Variants in LRG1 observed in about 807,000 individuals in gnomAD.
LRG1 encodes the protein leucine rich alpha-2-glycoprotein 1.
LRG1 carries 1 observed loss-of-function variant against 2.4 expected under a neutral mutation model. The ratio of observed to expected loss-of-function variants is 0.41; its 90% confidence interval spans 0.15 to 1.95. LRG1 has a LOEUF of 1.95. Among genes scored for constraint, LRG1 ranks in the 30% most tolerant of loss-of-function variants. The pLI is 0.30. For synonymous variants in LRG1, 226 were observed against 210.6 expected (o/e 1.07, Z -0.63); for missense variants, 425 against 436.9 (o/e 0.97, Z 0.24).
Position 4,538,234 on chromosome 19 carries a change from C to A in LRG1, c.750G>T (p.Arg250Ser). Residue 250 changes from arginine to serine, a missense_variant, in exon 2 of 2, where the codon AGG (arginine) becomes AGT (serine). Coordinates refer to ENST00000306390, the MANE Select transcript of LRG1 (RefSeq NM_052972.3). ...YLFLNGNKLA[R>S]VAAGAFQGLR... ...GGCCCTGGAAGGCACCGGCTGCCAC[C>A]CTGGCCAGCTTGTTGCCGTTCAGGA... The A allele has an allele frequency of 6.2e-7, 1 of 1,614,060 alleles. No individual in the cohort carries two copies. The highest frequency in any genetic ancestry group is 8.5e-7 in the Non-Finnish European group (1 of 1,180,034).
In LRG1 at chr19:4,538,383, C is replaced by T. The variant is rs764216165; in HGVS notation, c.601G>A (p.Glu201Lys). 2 of 1,614,200 alleles carry T rather than the reference C, an allele frequency of 1.2e-6. No individual in the cohort carries two copies. Among genetic ancestry groups the T allele is most frequent in the South Asian group, 1.1e-5 (1 of 91,086 alleles). Residue 201 changes from glutamate to lysine, a missense_variant, in exon 2 of 2, where the codon GAG becomes AAG. Physicochemically the swap from Glu to Lys is moderately conservative, Grantham distance 56 (BLOSUM62 1). Transcript: ENST00000306390. ...CTCAGGAGGTCAGGTGGCAAGGTCTCCAACTGGTTCTCCCCAAGGTCAAGG... is the reference window on the plus strand; with the variant it reads ...CTCAGGAGGTCAGGTGGCAAGGTCTTCAACTGGTTCTCCCCAAGGTCAAGG... ...RTLDLGENQLETLPPDLLRGP... is the reference protein window; with the variant it reads ...RTLDLGENQLKTLPPDLLRGP...
Position 4,538,741 on chromosome 19 carries a change from G to C in LRG1, c.243C>G (p.Thr81=), listed in dbSNP as rs145501931. 21 of 1,604,494 alleles carry C rather than the reference G, an allele frequency of 1.3e-5. 1 individual carries two copies. In the African/African-American group the frequency reaches 2.8e-4, roughly 21 times the overall value. The change falls in exon 2 of 2, where the codon ACC becomes ACG. Residue 81 remains threonine, a synonymous_variant. Transcript: ENST00000306390. Reference sequence around the variant, plus strand: ...CCTGGAGGAGGTTGGCTGGCAGGTGGGTCAGGTTGAAGAATTCCACGGCCA... The same window carrying C: ...CCTGGAGGAGGTTGGCTGGCAGGTGCGTCAGGTTGAAGAATTCCACGGCCA... ...VHLAVEFFNL[T]HLPANLLQGA...
In LRG1 at chr19:4,538,411, G is replaced by A. The variant is rs751459206; in HGVS notation, c.573C>T (p.Arg191=). 4.3e-6 allele frequency: 7 copies of A among 1,614,180 alleles called. No homozygotes were observed. The South Asian group carries it at 7.7e-5, about 18-fold the overall frequency. ...PGLLANFTLL[R]TLDLGENQLE... is the part of the protein sequence containing the mutation. ...ACTGGTTCTCCCCAAGGTCAAGGGT[G>A]CGCAGGAGGGTGAAGTTGGCCAGCA... The change falls in exon 2 of 2, where the codon CGC becomes CGT. Residue 191 remains arginine, a synonymous_variant. Coordinates refer to ENST00000306390, the MANE Select transcript of LRG1 (RefSeq NM_052972.3).
rs758533760 is a variant in LRG1 at position 4,539,934 on chromosome 19, A to G, written c.32+48T>C. The G allele has an allele frequency of 2.5e-6, 4 of 1,611,378 alleles. No homozygotes were observed. In the South Asian group the frequency reaches 3.3e-5, roughly 13 times the overall value. Reference sequence around the variant, plus strand: ...TAGCTGGAATGTCCTGTATCTCCGCATGGTCTGGCGTTCAAACCTGCCTAG... The same window carrying G: ...TAGCTGGAATGTCCTGTATCTCCGCGTGGTCTGGCGTTCAAACCTGCCTAG... On this transcript the variant is annotated intron_variant, in intron 1 of 1. Transcript: ENST00000306390.
In LRG1 at chr19:4,538,003, CGT is replaced by C. The variant is rs1321661362; in HGVS notation, c.979_980del (p.Thr327AlafsTer6). The C allele has an allele frequency of 1.2e-6, 2 of 1,613,822 alleles. No individual in the cohort carries two copies. The highest frequency in any genetic ancestry group is 2.7e-5 in the African/African-American group (2 of 74,946). ...TCACGGCTTCAGGCCCAGCACAGCG[CGT>C]GTCATTCTGGGAAAACATCTTGTCT... ...QKDKMFSQND[T>X]RCAGPEAVKG... On this transcript the variant is annotated frameshift_variant, in exon 2 of 2. Transcript: ENST00000306390. LOFTEE classifies it low-confidence loss of function (END_TRUNC).
At position 4,537,717 on chromosome 19, in the gene LRG1, A is replaced by C. The variant is rs992650455; in HGVS notation, c.*223T>G. On this transcript the variant is annotated 3_prime_UTR_variant, in exon 2 of 2. Transcript: ENST00000306390. The stretch of plus-strand genomic sequence containing the variant: ...CGAGTTGCTGGGACTACAGGTGCCC[A>C]CCACCACGCCTGGCTAATTTTTTAT... 2.3e-5 allele frequency: 12 copies of C among 520,212 alleles called. No individual in the cohort carries two copies. Among genetic ancestry groups the C allele is most frequent in the African/African-American group, 3.8e-5 (2 of 52,206 alleles). 32.2% of individuals were successfully genotyped at this position (520,212 alleles called of 1,614,324 possible).
Position 4,538,621 on chromosome 19 carries a change from C to T in LRG1, c.363G>A (p.Leu121=). ...CGGTCAGGGCGTTTCGGGTTAGATC[C>T]AGCACCCTCAGCTGCGGCACTGGCC... ...FLRPVPQLRV[L]DLTRNALTGL... Residue 121 remains leucine, a synonymous_variant, in exon 2 of 2, where the codon CTG becomes CTA. Coordinates refer to ENST00000306390, the MANE Select transcript of LRG1 (RefSeq NM_052972.3). 6.2e-7 allele frequency: 1 copy of T among 1,613,004 alleles called. No homozygotes were observed. The highest frequency in any genetic ancestry group is 8.5e-7 in the Non-Finnish European group (1 of 1,179,328).
At chr19:4,539,832 C>T in intron 1 of LRG1, 150 bp downstream of exon 1, 1 of 913,404 alleles carries the variant, frequency 1.1e-6, no homozygotes, top group South Asian at 1.4e-5. Context: ...TGTGCACGCG[C>T]CAGTCTTTCT....
chr19:4,539,061 C>G, intron 1 of LRG1, 110 bp from the exon 2 acceptor site: 5 of 1,105,252 alleles, frequency 4.5e-6, no homozygotes, highest in Non-Finnish European at 6.1e-6. Context: ...CGGCTACCAG[C>G]CTGGACTATG....
chr19:4,539,114 C>CTA, intron 1 of LRG1, 163 bp from the exon 2 acceptor site: 1 of 532,294 alleles, frequency 1.9e-6, no homozygotes, highest in Admixed American at 3.9e-5. Context: ...GCTTCCTCCT[C>CTA]CTCTTCCAGC....
At position 4,538,661 on chromosome 19, in the gene LRG1, G is replaced by A. The variant is rs775214650; in HGVS notation, c.323C>T (p.Ser108Leu). 7 of 1,613,124 alleles carry A rather than the reference G, an allele frequency of 4.3e-6. No homozygotes were observed. Among genetic ancestry groups the A allele is most frequent in the African/African-American group, 2.7e-5 (2 of 74,942 alleles). Residue 108 changes from serine (S) to leucine (L), a missense_variant, in exon 2 of 2, where the codon TCG becomes TTG. By Grantham distance (145) the Ser-to-Leu change is moderately radical. Coordinates refer to ENST00000306390, the MANE Select transcript of LRG1 (RefSeq NM_052972.3). Reference sequence around the variant, plus strand: ...CGGCACTGGCCGCAGGAATTCGGGCGAGAGGCTTTCCAGCCCATTGCTGGA... The same window carrying A: ...CGGCACTGGCCGCAGGAATTCGGGCAAGAGGCTTTCCAGCCCATTGCTGGA... ...HLSSNGLESL[S>L]PEFLRPVPQL... is the part of the protein sequence containing the mutation.
chr19:4,538,640 A>C lies in LRG1; in HGVS notation c.344T>G (p.Val115Gly), dbSNP rs750004516. 6.2e-7 allele frequency: 1 copy of C among 1,613,086 alleles called. No individual in the cohort carries two copies. The highest frequency in any genetic ancestry group is 1.1e-5 in the South Asian group (1 of 91,074). ...ESLSPEFLRP[V>G]PQLRVLDLTR... ...TAGATCCAGCACCCTCAGCTGCGGC[A>C]CTGGCCGCAGGAATTCGGGCGAGAG... Residue 115 changes from valine to glycine, a missense_variant, in exon 2 of 2, where the codon GTG (valine) becomes GGG (glycine). Coordinates refer to ENST00000306390, the MANE Select transcript of LRG1 (RefSeq NM_052972.3).
rs759403794 is a variant in LRG1, at chr19:4,538,611, G to A, written c.373C>T (p.Arg125Ter). ...GGGGGCAGCCCGGTCAGGGCGTTTC[G>A]GGTTAGATCCAGCACCCTCAGCTGC... is the stretch of plus-strand genomic sequence containing the variant. ...VPQLRVLDLT[R>*]NALTGLPPGL... Residue 125 changes from arginine (R) to a stop codon, truncating the protein, a stop_gained, in exon 2 of 2, where the codon CGA becomes TGA. Transcript: ENST00000306390. LOFTEE classifies it low-confidence loss of function (END_TRUNC). 15 of 1,612,820 alleles carry A rather than the reference G, an allele frequency of 9.3e-6. No homozygotes were observed. Among genetic ancestry groups the A allele is most frequent in the African/African-American group, 4.0e-5 (3 of 74,922 alleles).
At position 4,538,005 on chromosome 19, in the gene LRG1, T is replaced by A. The variant is rs1172109694; in HGVS notation, c.979A>T (p.Thr327Ser). The A allele has an allele frequency of 1.2e-6, 2 of 1,613,974 alleles. No individual in the cohort carries two copies. The highest frequency in any genetic ancestry group is 1.7e-6 in the Non-Finnish European group (2 of 1,180,042). ...QKDKMFSQND[T>S]RCAGPEAVKG... ...ACGGCTTCAGGCCCAGCACAGCGCGTGTCATTCTGGGAAAACATCTTGTCT... is the reference window on the plus strand; with the variant it reads ...ACGGCTTCAGGCCCAGCACAGCGCGAGTCATTCTGGGAAAACATCTTGTCT... Residue 327 changes from threonine (T) to serine (S), a missense_variant, in exon 2 of 2, where the codon ACG (threonine) becomes TCG (serine). Coordinates refer to ENST00000306390, the MANE Select transcript of LRG1 (RefSeq NM_052972.3).
Position 4,537,619 on chromosome 19 carries a change from G to A in LRG1, c.*321C>T, listed in dbSNP as rs1976959161. 5.9e-6 allele frequency: 2 copies of A among 339,144 alleles called. No homozygotes were observed. The highest frequency in any genetic ancestry group is 5.5e-6 in the Non-Finnish European group (1 of 182,668). The allele number at this position is 339,144 out of a possible 1,614,324, so 21.0% of individuals were successfully genotyped here. A position where few individuals can be genotyped will look rare whatever the true frequency, so the allele number is the denominator to read the frequency against. On this transcript the variant is annotated 3_prime_UTR_variant, in exon 2 of 2. Coordinates refer to ENST00000306390, the MANE Select transcript of LRG1 (RefSeq NM_052972.3). The stretch of plus-strand genomic sequence containing the variant: ...GTCTTGCTCTGTCGCCCAGGCTAGA[G>A]TGCAGTGGCACGATCTTGGCTCACC...
chr19:4,538,806 C>G lies in LRG1; in HGVS notation c.178G>C (p.Ala60Pro). The part of the protein sequence containing the change: ...HGSSISCQPP[A>P]EIPGYLPADT... ...GCTGGCAGGTAGCCGGGGATTTCGG[C>G]AGGTGGTTGACAGGAGATGGAGCTG... Residue 60 changes from alanine to proline, a missense_variant, in exon 2 of 2, where the codon GCC becomes CCC. Transcript: ENST00000306390. The G allele has an allele frequency of 6.2e-7, 1 of 1,602,940 alleles. No individual in the cohort carries two copies. Among genetic ancestry groups the G allele is most frequent in the Non-Finnish European group, 8.5e-7 (1 of 1,171,772 alleles).
Position 4,538,915 on chromosome 19 carries a change from C to T in LRG1, c.69G>A (p.Leu23=). The part of the protein sequence containing the change: ...GGIQPHVSRT[L]FLLLLLAASA... ...AGGCTGCCAACAGCAGCAGCAGGAA[C>T]AGAGTTCTAGAAACATGGGGTTGAA... The change falls in exon 2 of 2, where the codon CTG becomes CTA. Residue 23 remains leucine, a synonymous_variant. Transcript: ENST00000306390. The T allele has an allele frequency of 6.6e-7, 1 of 1,515,332 alleles. No homozygotes were observed. The allele number at this position is 1,515,332 out of a possible 1,614,324, so 93.9% of individuals were successfully genotyped here.
rs765598455 is a variant in LRG1 at position 4,538,271 on chromosome 19, A to G, written c.713T>C (p.Leu238Pro). The change falls in exon 2 of 2, where the codon CTG (leucine) becomes CCG (proline). Residue 238 changes from leucine to proline, a missense_variant. Coordinates refer to ENST00000306390, the MANE Select transcript of LRG1 (RefSeq NM_052972.3). ...GTTGCCGTTCAGGAAGAGGTAGCGC[A>G]GGTCCGGCTGCGGCAAGAGGAGATC... is the stretch of plus-strand genomic sequence containing the variant. ...GKDLLLPQPDLRYLFLNGNKL... is the reference protein window; with the variant it reads ...GKDLLLPQPDPRYLFLNGNKL... The G allele has an allele frequency of 4.3e-6, 7 of 1,614,098 alleles. No homozygotes were observed. The highest frequency in any genetic ancestry group is 3.3e-4 in the Middle Eastern group (2 of 6,084).
Position 4,538,127 on chromosome 19 carries a change from G to C in LRG1, c.857C>G (p.Pro286Arg), listed in dbSNP as rs1039422031. ...GAAGCCATCCCGCATGTCCCAGTTTGGCTGCCCTAGGGATGCCCAGAGCCC... is the reference window on the plus strand; with the variant it reads ...GAAGCCATCCCGCATGTCCCAGTTTCGCTGCCCTAGGGATGCCCAGAGCCC... ...PEGLWASLGQPNWDMRDGFDI... is the reference protein window; with the variant it reads ...PEGLWASLGQRNWDMRDGFDI... The change falls in exon 2 of 2, where the codon CCA (proline) becomes CGA (arginine). Residue 286 changes from proline to arginine, a missense_variant. Transcript: ENST00000306390. 1.9e-6 allele frequency: 3 copies of C among 1,614,116 alleles called. No homozygotes were observed. Among genetic ancestry groups the C allele is most frequent in the Non-Finnish European group, 2.5e-6 (3 of 1,180,022 alleles).
Sources: allele counts gnomAD v4.1 joint callset, GRCh38; gene constraint gnomAD v4.1.1; transcripts MANE v1.5; gene names NCBI Gene and HGNC (gene_info 2026-07-23, HGNC 2026-07-21).